The following KDM5B variants were observed in gnomAD, a reference collection of about 807,000 sequenced individuals.
KDM5B encodes the protein lysine demethylase 5B.
In KDM5B, 144 loss-of-function variants were observed where a neutral mutation model predicts 193.4. The ratio of observed to expected loss-of-function variants is 0.74; its 90% CI spans 0.65 to 0.86. The LOEUF (loss-of-function observed/expected upper bound fraction) is 0.86. KDM5B is among the 40% of genes least tolerant of loss of function. The probability of loss-of-function intolerance (pLI) is 0.00; values close to 1 mark genes in which losing one functional copy is unlikely to be tolerated. For missense variants in KDM5B, 1,833 were observed against 1,886.9 expected, an observed-to-expected ratio of 0.97 and a Z score of 0.53; for synonymous variants, 668 against 682.6, an observed-to-expected ratio of 0.98 and a Z score of 0.33.
chr1:202,744,015 C>T (rs2102238322), intron 16 of KDM5B, among the ~76,000 whole-genome samples: 1 of 149,248 alleles, frequency 6.7e-6, no homozygotes, highest in African/African-American at 2.4e-5. Context: ...AGCTTCTGCA[C>T]AGCAAAAGAA....
At chr1:202,778,249 T>C (rs1657044602) in intron 1 of KDM5B, among the ~76,000 whole-genome samples, 1 of 152,066 alleles carries the variant, frequency 6.6e-6, no homozygotes, top group Non-Finnish European at 1.5e-5. Context: ...TTTCCTATCA[T>C]GGAAGAACTG....
chr1:202,784,715 A>T lies in KDM5B; in HGVS notation c.205-7621T>A, dbSNP rs138232617. On this transcript the variant is annotated intron_variant, in intron 1 of 26. Coordinates refer to ENST00000367265, the MANE Select transcript of KDM5B (RefSeq NM_006618.5). Reference sequence around the variant, plus strand: ...CTCACTGATAGGTGTCTATCAGAAAAGTTTTGTACGACAAAGAATTGCATT... The same window carrying T: ...CTCACTGATAGGTGTCTATCAGAAATGTTTTGTACGACAAAGAATTGCATT... 3.3e-3 allele frequency among the ~76,000 whole-genome samples: 497 copies of T among 152,348 alleles called. 2 individuals are homozygous for T. Among genetic ancestry groups the T allele is most frequent in the African/African-American group, 0.011 (470 of 41,572 alleles).
chr1:202,778,422 A>G (rs1657052507), intron 1 of KDM5B, among the ~76,000 whole-genome samples: 1 of 152,182 alleles, frequency 6.6e-6, no homozygotes, highest in African/African-American at 2.4e-5. Flanking sequence ...GTCTGGGATA[A>G]TGATGAAAGG....
intron 20 of KDM5B, among the ~76,000 whole-genome samples, chr1:202,737,355 C>A (rs1349594716): frequency 1.3e-5 from 2 of 152,180 alleles, no homozygotes; most frequent in Non-Finnish European, 2.9e-5. Context: ...TAAATTTGCA[C>A]TTCTAACAAG....
chr1:202,753,192 A>T (rs904883196), intron 11 of KDM5B, 125 bp from the exon 12 acceptor site: 1 of 786,292 alleles, frequency 1.3e-6, no homozygotes, highest in Non-Finnish European at 2.0e-6. Flanking sequence ...AAACTGACGA[A>T]ATATCATTAG....
At position 202,758,399 on chromosome 1, in the gene KDM5B, G is replaced by A; in HGVS notation, c.1189C>T (p.Pro397Ser). The change falls in exon 9 of 27, where the codon CCA becomes TCA. Residue 397 changes from proline to serine, a missense_variant. Physicochemically the swap from Pro to Ser is moderately conservative, Grantham distance 74 (BLOSUM62 -1). Coordinates refer to ENST00000367265, the MANE Select transcript of KDM5B (RefSeq NM_006618.5). ...AGTATATATGTACATACATGGACTG[G>A]CATGTTGAAGTAATCAGATTTGAAC... ...DAFKSDYFNM[P>S]VHMVPTELVE... 6.2e-7 allele frequency: 1 copy of A among 1,610,808 alleles called. No individual in the cohort carries two copies.
intron 4 of KDM5B, among the ~76,000 whole-genome samples, chr1:202,770,928 G>A (rs539503235): frequency 1.3e-4 from 20 of 152,152 alleles, no homozygotes; most frequent in Non-Finnish European, 1.5e-4. Context: ...TTACAAAAGG[G>A]TACCTTTAAA....
intron 1 of KDM5B, among the ~76,000 whole-genome samples, chr1:202,787,003 A>G (rs934452483): frequency 3.4e-4 from 52 of 152,272 alleles, no homozygotes; most frequent in African/African-American, 1.2e-3. Flanking sequence ...GTCTTTGCAG[A>G]ATCAAGTTTC....
intron 24 of KDM5B, 98 bp from the exon 25 acceptor site, chr1:202,731,161 CACT>C (rs1156855892): frequency 1.2e-6 from 1 of 851,226 alleles, no homozygotes; most frequent in Non-Finnish European, 1.8e-6. Context: ...CCCCTAATAC[CACT>C]ACTACCCTCT....
At chr1:202,781,326 G>C (rs1303616434) in intron 1 of KDM5B, among the ~76,000 whole-genome samples, 1 of 152,164 alleles carries the variant, frequency 6.6e-6, no homozygotes, top group East Asian at 1.9e-4. Context: ...ATGAAATTTT[G>C]TTTTGTTTTA....
chr1:202,767,140 G>A (rs1656501674), intron 4 of KDM5B, 80 bp from the exon 5 acceptor site: 6 of 1,588,228 alleles, frequency 3.8e-6, no homozygotes, highest in Non-Finnish European at 5.2e-6. Context: ...TATCTAGCAT[G>A]CCACATGAGT....
intron 4 of KDM5B, chr1:202,767,522 A>C (rs1656522996): frequency 4.6e-6 from 3 of 654,384 alleles, no homozygotes; most frequent in Non-Finnish European, 8.2e-6. Context: ...CCCGGTGTGC[A>C]AGGACTGAAA....
intron 6 of KDM5B, 101 bp from the exon 7 acceptor site, chr1:202,762,909 T>A (rs911589525): frequency 5.6e-6 from 4 of 710,034 alleles, no homozygotes; most frequent in Non-Finnish European, 1.0e-5. Context: ...TAATTTCATG[T>A]GTGTTTTCAC....
At position 202,732,653 on chromosome 1, in the gene KDM5B, C is replaced by T. The variant is rs1399879399; in HGVS notation, c.3910-714G>A. Among the ~76,000 whole-genome samples the T allele has an allele frequency of 8.0e-5, 12 of 150,460 alleles. No individual in the cohort carries two copies. In the East Asian group the frequency reaches 2.2e-3, roughly 27 times the overall value. Reference sequence around the variant, plus strand: ...TTTTGTTTGGTCTTCATCTTATCAACAATTTAACTCATATAATCCATGTGT... The same window carrying T: ...TTTTGTTTGGTCTTCATCTTATCAATAATTTAACTCATATAATCCATGTGT... On this transcript the variant is annotated intron_variant, in intron 23 of 26. Transcript: ENST00000367265.
At chr1:202,795,521 ACGT>A (rs951010935) in intron 1 of KDM5B, among the ~76,000 whole-genome samples, 10 of 152,110 alleles carry the variant, frequency 6.6e-5, no homozygotes, top group African/African-American at 2.4e-4. Flanking sequence ...GCGTGGTGGC[ACGT>A]CGCTGTAATC....
chr1:202,746,472 A>T, intron 14 of KDM5B, 149 bp from the exon 15 acceptor site: 1 of 546,492 alleles, frequency 1.8e-6, no homozygotes, highest in Non-Finnish European at 3.2e-6. Context: ...GCATACAAAG[A>T]AACAAATGAC....
chr1:202,789,710 T>C (rs1296690009), intron 1 of KDM5B, among the ~76,000 whole-genome samples: 1 of 143,484 alleles, frequency 7.0e-6, no homozygotes, highest in East Asian at 2.1e-4. Context: ...CTAGGCATGG[T>C]AGCATGCACC....
intron 1 of KDM5B, among the ~76,000 whole-genome samples, chr1:202,781,567 C>T (rs1657199478): frequency 6.6e-6 from 1 of 152,106 alleles, no homozygotes; most frequent in East Asian, 1.9e-4. Flanking sequence ...TTGTTTAGCT[C>T]AATAACTAAA....
chr1:202,764,852 C>G (rs1021157221), intron 5 of KDM5B, among the ~76,000 whole-genome samples: 1 of 152,052 alleles, frequency 6.6e-6, no homozygotes, highest in Non-Finnish European at 1.5e-5. Flanking sequence ...TTGTGCACAC[C>G]TGTGGTCCCA....
Sources: gnomAD v4.1 joint callset for allele counts (sites outside exome capture counted in the v4.1 genomes callset) on GRCh38, gnomAD v4.1.1 for gene constraint, MANE v1.5 for transcripts, NCBI Gene and HGNC (gene_info 2026-07-23, HGNC 2026-07-21) for gene names.